STXBP5L: variants seen among roughly 807,000 people sequenced by gnomAD.
STXBP5L encodes syntaxin binding protein 5L.
STXBP5L carries 65 observed loss-of-function variants against 144.5 expected under a neutral mutation model. The ratio of observed to expected loss-of-function variants is 0.45; its 90% confidence interval spans 0.37 to 0.55. The LOEUF (loss-of-function observed/expected upper bound fraction) is 0.55, where lower values mean the gene tolerates loss of function less well. STXBP5L is among the 20% of genes least tolerant of loss of function. The pLI is 0.00. For synonymous variants in STXBP5L, 505 were observed against 469.6 expected (o/e 1.08, Z -0.97); for missense variants, 1,298 against 1,405.5 (o/e 0.92, Z 1.22).
intron 3 of STXBP5L, among the ~76,000 whole-genome samples, chr3:121,033,572 T>TAAA (rs11334060): frequency 7.1e-6 from 1 of 141,416 alleles, no homozygotes; most frequent in Non-Finnish European, 1.5e-5. Context: ...AAAGTACAAT[T>TAAA]AAAAAAAAAA....
intron 5 of STXBP5L, among the ~76,000 whole-genome samples, chr3:121,055,386 A>C (rs1309339498): frequency 6.6e-6 from 1 of 152,142 alleles, no homozygotes; most frequent in Admixed American, 6.6e-5. Flanking sequence ...TCAGTTTATA[A>C]ATTTATACTA....
chr3:121,238,910 A>G, intron 12 of STXBP5L, 61 bp from the exon 13 acceptor site: 2 of 1,421,908 alleles, frequency 1.4e-6, no homozygotes, highest in East Asian at 2.6e-5. Flanking sequence ...TTACTTTATC[A>G]AAATTATTTT....
Position 121,122,522 on chromosome 3 carries a change from A to G in STXBP5L, c.669+818A>G, listed in dbSNP as rs151014460. Among the ~76,000 whole-genome samples the G allele has an allele frequency of 2.4e-3, 370 of 151,606 alleles. 5 individuals are homozygous for G. The highest frequency in any genetic ancestry group is 8.6e-3 in the African/African-American group (357 of 41,548). On this transcript the variant is annotated intron_variant, in intron 7 of 26. Transcript: ENST00000471454. ...TACAGTGTTATATTGGTACAGGGGT[A>G]CACAAGAGGACCAATGTATCTAAAT...
At chr3:121,006,091 A>C (rs1944273910) in intron 3 of STXBP5L, among the ~76,000 whole-genome samples, 1 of 152,062 alleles carries the variant, frequency 6.6e-6, no homozygotes, top group South Asian at 2.1e-4. Flanking sequence ...AGCTGAGTTC[A>C]ATTCCTGGGT....
intron 7 of STXBP5L, among the ~76,000 whole-genome samples, chr3:121,141,327 C>T (rs1577051268): frequency 6.6e-6 from 1 of 151,832 alleles, no homozygotes; most frequent in Admixed American, 6.6e-5. Flanking sequence ...CACTTGAACT[C>T]GGGAGGCAGA....
chr3:120,940,800 G>A (rs960736284), intron 2 of STXBP5L, among the ~76,000 whole-genome samples: 27 of 151,628 alleles, frequency 1.8e-4, no homozygotes, highest in East Asian at 7.7e-4. Flanking sequence ...GCTGGTATTC[G>A]TATTACTCTG....
intron 7 of STXBP5L, among the ~76,000 whole-genome samples, chr3:121,124,292 C>T (rs948048390): frequency 1.3e-5 from 2 of 151,726 alleles, no homozygotes; most frequent in Non-Finnish European, 2.9e-5. Flanking sequence ...TTGGCTATTT[C>T]TGACTCATTA....
intron 22 of STXBP5L, among the ~76,000 whole-genome samples, chr3:121,397,795 G>A (rs1051498428): frequency 6.6e-6 from 1 of 152,182 alleles, no homozygotes; most frequent in African/African-American, 2.4e-5. Context: ...GTCCCAGGTT[G>A]TCCATCGGGC....
intron 4 of STXBP5L, among the ~76,000 whole-genome samples, chr3:121,043,639 G>T (rs1053714324): frequency 1.3e-5 from 2 of 152,076 alleles, no homozygotes; most frequent in African/African-American, 4.8e-5. Context: ...AACTTGGGAG[G>T]CAGAGGTTGC....
intron 10 of STXBP5L, among the ~76,000 whole-genome samples, chr3:121,218,021 T>C (rs1156641658): frequency 2.1e-5 from 3 of 144,404 alleles, no homozygotes; most frequent in Non-Finnish European, 4.5e-5. Context: ...ATATATACTA[T>C]AGTATAATAT....
chr3:121,154,717 G>A (rs2046054772), intron 8 of STXBP5L, among the ~76,000 whole-genome samples: 1 of 151,760 alleles, frequency 6.6e-6, no homozygotes, highest in Non-Finnish European at 1.5e-5. Flanking sequence ...TTGAACTCTA[G>A]ATCTAAATAT....
At chr3:121,103,491 T>G (rs1275384684) in intron 5 of STXBP5L, among the ~76,000 whole-genome samples, 1 of 151,952 alleles carries the variant, frequency 6.6e-6, no homozygotes, top group African/African-American at 2.4e-5. Context: ...AAACATTGGA[T>G]GTACTTGGAT....
In STXBP5L at chr3:121,226,536, T is replaced by C. The variant is rs145611192; in HGVS notation, c.1111+3379T>C. Among the ~76,000 whole-genome samples the C allele has an allele frequency of 3.0e-3, 463 of 152,266 alleles. 3 individuals carry two copies. The highest frequency in any genetic ancestry group is 0.01 in the African/African-American group (432 of 41,562). On this transcript the variant is annotated intron_variant, in intron 11 of 26. Coordinates refer to ENST00000471454, the MANE Select transcript of STXBP5L (RefSeq NM_001308330.2). ...CGGTTTGTGTCCAATTCTGATATTT[T>C]AATTCACCTAGTTGGTTAGATTTTA...
chr3:121,152,515 G>A lies in STXBP5L; in HGVS notation c.708G>A (p.Trp236Ter). Reference protein sequence around the residue: ...IGYENGTVVFWDLKSKRAELR... With the variant: ...IGYENGTVVF ...ATGAAAATGGTACTGTAGTATTCTG[G>A]GACTTGAAATCTAAAAGAGCAGAAC... The change falls in exon 8 of 27, where the codon TGG becomes TGA. Residue 236 changes from tryptophan (W) to a stop codon, truncating the protein, a stop_gained. Coordinates refer to ENST00000471454, the MANE Select transcript of STXBP5L (RefSeq NM_001308330.2). LOFTEE classifies it high-confidence loss of function. 1 of 1,609,008 alleles carries A rather than the reference G, an allele frequency of 6.2e-7. No individual in the cohort carries two copies. The highest frequency in any genetic ancestry group is 8.5e-7 in the Non-Finnish European group (1 of 1,177,718).
chr3:121,003,975 A>G (rs1944021422), intron 3 of STXBP5L, among the ~76,000 whole-genome samples: 1 of 152,166 alleles, frequency 6.6e-6, no homozygotes, highest in Non-Finnish European at 1.5e-5. Flanking sequence ...GTTTGAAGTC[A>G]GGTAGCGTGA....
intron 3 of STXBP5L, among the ~76,000 whole-genome samples, chr3:120,992,016 T>C (rs1263016893): frequency 6.6e-6 from 1 of 152,178 alleles, no homozygotes; most frequent in East Asian, 1.9e-4. Flanking sequence ...ATTTATATGG[T>C]ATATTTCTTT....
At chr3:121,051,756 T>TA (rs1948018234) in intron 5 of STXBP5L, among the ~76,000 whole-genome samples, 1 of 151,276 alleles carries the variant, frequency 6.6e-6, no homozygotes, top group African/African-American at 2.4e-5. Context: ...CTGAAGGAAA[T>TA]AGAGACACAA....
chr3:121,383,572 G>T (rs1046554644), intron 22 of STXBP5L, among the ~76,000 whole-genome samples: 10 of 152,134 alleles, frequency 6.6e-5, no homozygotes, highest in Middle Eastern at 3.4e-3. Flanking sequence ...GAATAAAGAT[G>T]TATATAAAGG....
At chr3:121,231,708 A>G (rs1458114075) in intron 11 of STXBP5L, among the ~76,000 whole-genome samples, 1 of 152,152 alleles carries the variant, frequency 6.6e-6, no homozygotes, top group Non-Finnish European at 1.5e-5. Context: ...GAATCACCCA[A>G]TGGGTTGGGT....
Sources: gnomAD v4.1 joint callset for allele counts (sites outside exome capture counted in the v4.1 genomes callset) on GRCh38, gnomAD v4.1.1 for gene constraint, MANE v1.5 for transcripts, NCBI Gene and HGNC (gene_info 2026-07-23, HGNC 2026-07-21) for gene names.